The following LRP1B variants were observed in gnomAD, a reference collection of about 807,000 sequenced individuals.
The protein encoded by LRP1B is LDL receptor related protein 1B, also known as low-density lipoprotein receptor-related protein 1B.
LRP1B carries 217 observed loss-of-function variants against 556.6 expected under a neutral mutation model. That is an observed-to-expected ratio of 0.39 (90% CI 0.35 to 0.44). The LOEUF is 0.44. Ranked by LOEUF, LRP1B falls within the 20% of genes least tolerant of loss-of-function variation. The pLI is 1.00. For synonymous variants in LRP1B, 2,047 were observed against 1,865.8 expected (o/e 1.10, Z -2.50); for missense variants, 5,053 against 5,620.8 (o/e 0.90, Z 3.23).
chr2:141,458,882 A>G (rs769527430), intron 3 of LRP1B, among the ~76,000 whole-genome samples: 13 of 152,300 alleles, frequency 8.5e-5, no homozygotes, highest in South Asian at 6.2e-4. Context: ...ATGGATATAA[A>G]TGGTTGAATG....
rs530416955 is a variant in LRP1B, at chr2:141,583,913, T to A, written c.206-103380A>T. 1.0e-3 allele frequency among the ~76,000 whole-genome samples: 156 copies of A among 151,758 alleles called. 1 individual carries two copies. Among genetic ancestry groups the A allele is most frequent in the Middle Eastern group, 6.8e-3 (2 of 294 alleles). The stretch of plus-strand genomic sequence containing the variant: ...CACCACCATGCCCGGCTAATTTTTT[T>A]TTTTTTAGTAGCGATGGGGTTTCAC... On this transcript the variant is annotated intron_variant, in intron 2 of 90. Coordinates refer to ENST00000389484, the MANE Select transcript of LRP1B (RefSeq NM_018557.3).
At chr2:140,870,583 C>T (rs78611865) in intron 25 of LRP1B, among the ~76,000 whole-genome samples, 2,648 of 152,122 alleles carry the variant, frequency 0.017, 98 homozygotes, top group African/African-American at 0.059. Flanking sequence ...TGAAAAATTC[C>T]CTTTGCTCTT....
chr2:141,307,611 C>A (rs1166929521), intron 3 of LRP1B, among the ~76,000 whole-genome samples: 1 of 152,068 alleles, frequency 6.6e-6, no homozygotes, highest in East Asian at 1.9e-4. Context: ...CTGTTTACAT[C>A]CAAGGTTAGG....
At chr2:140,328,406 T>G (rs1680606387) in intron 79 of LRP1B, among the ~76,000 whole-genome samples, 1 of 151,866 alleles carries the variant, frequency 6.6e-6, no homozygotes, top group Non-Finnish European at 1.5e-5. Context: ...ATTTCACTCT[T>G]GTCAAACTCT....
intron 1 of LRP1B, among the ~76,000 whole-genome samples, chr2:142,001,304 T>C (rs1446079625): frequency 6.6e-6 from 1 of 152,212 alleles, no homozygotes; most frequent in Non-Finnish European, 1.5e-5. Flanking sequence ...CACAGCTCCA[T>C]ATCTTCATTG....
At chr2:142,041,550 G>C (rs1704066757) in intron 1 of LRP1B, among the ~76,000 whole-genome samples, 1 of 151,444 alleles carries the variant, frequency 6.6e-6, no homozygotes, top group African/African-American at 2.4e-5. Flanking sequence ...CAACAAAAAA[G>C]CCTTTTTTGC....
At chr2:140,682,116 C>T (rs1247151115) in intron 41 of LRP1B, among the ~76,000 whole-genome samples, 3 of 152,170 alleles carry the variant, frequency 2.0e-5, no homozygotes, top group Non-Finnish European at 4.4e-5. Flanking sequence ...AACTGTAAAA[C>T]AGTTACGTGT....
At chr2:140,865,831 GA>G (rs34281615) in intron 27 of LRP1B, among the ~76,000 whole-genome samples, 7 of 152,044 alleles carry the variant, frequency 4.6e-5, no homozygotes. Flanking sequence ...TTGAGTTAAG[GA>G]AAGATGTCAA....
At chr2:141,073,294 C>T (rs1195720203) in intron 7 of LRP1B, among the ~76,000 whole-genome samples, 1 of 152,010 alleles carries the variant, frequency 6.6e-6, no homozygotes, top group African/African-American at 2.4e-5. Flanking sequence ...GGACTTTTCC[C>T]AGTCTCCTTT....
At chr2:140,625,741 A>G (rs1683634050) in intron 41 of LRP1B, among the ~76,000 whole-genome samples, 1 of 152,204 alleles carries the variant, frequency 6.6e-6, no homozygotes, top group South Asian at 2.1e-4. Context: ...TGATGGGGCT[A>G]TAGAGCAACA....
chr2:142,117,158 T>A (rs919560752), intron 1 of LRP1B, among the ~76,000 whole-genome samples: 1 of 152,104 alleles, frequency 6.6e-6, no homozygotes, highest in Admixed American at 6.6e-5. Flanking sequence ...ATTTCTTCAT[T>A]AGTATTAAGA....
At chr2:141,325,246 T>G (rs962562002) in intron 3 of LRP1B, among the ~76,000 whole-genome samples, 5 of 152,002 alleles carry the variant, frequency 3.3e-5, no homozygotes, top group Admixed American at 6.6e-5. Flanking sequence ...AAACGTGGAC[T>G]TTGGGCAGAT....
At chr2:141,690,447 A>C (rs1691484428) in intron 2 of LRP1B, among the ~76,000 whole-genome samples, 2 of 138,216 alleles carry the variant, frequency 1.4e-5, no homozygotes, top group Non-Finnish European at 3.2e-5. Context: ...ATATAATTAC[A>C]AATATAAATA....
intron 1 of LRP1B, among the ~76,000 whole-genome samples, chr2:142,028,119 G>T (rs1206193238): frequency 1.3e-5 from 2 of 151,920 alleles, no homozygotes; most frequent in Non-Finnish European, 2.9e-5. Context: ...TCTAGTCCAT[G>T]AACAAAAATA....
At chr2:140,689,602 T>G (rs1686167194) in intron 41 of LRP1B, among the ~76,000 whole-genome samples, 1 of 152,230 alleles carries the variant, frequency 6.6e-6, no homozygotes, top group Non-Finnish European at 1.5e-5. Flanking sequence ...TATACAGAGC[T>G]TACTTGGCAG....
intron 31 of LRP1B, among the ~76,000 whole-genome samples, chr2:140,830,649 C>T (rs1691682488): frequency 6.6e-6 from 1 of 152,042 alleles, no homozygotes; most frequent in African/African-American, 2.4e-5. Flanking sequence ...TAACTTCATA[C>T]TGAGTGGAGA....
intron 7 of LRP1B, among the ~76,000 whole-genome samples, chr2:141,080,384 C>T (rs1040883959): frequency 1.3e-5 from 2 of 152,156 alleles, no homozygotes; most frequent in African/African-American, 4.8e-5. Context: ...TCTGCATCCT[C>T]ATAGTTTTGG....
intron 31 of LRP1B, among the ~76,000 whole-genome samples, chr2:140,824,962 T>A (rs975959112): frequency 6.6e-6 from 1 of 152,156 alleles, no homozygotes; most frequent in African/African-American, 2.4e-5. Context: ...GTTGAGGATA[T>A]AATAGTAAAT....
At chr2:141,104,224 T>C (rs1302707816) in intron 7 of LRP1B, among the ~76,000 whole-genome samples, 1 of 152,024 alleles carries the variant, frequency 6.6e-6, no homozygotes, top group East Asian at 1.9e-4. Context: ...TTAATTTATT[T>C]AGGATTATGG....
Sources: allele counts gnomAD v4.1 joint callset (sites outside exome capture counted in the v4.1 genomes callset), GRCh38; gene constraint gnomAD v4.1.1; transcripts MANE v1.5; gene names NCBI Gene and HGNC (gene_info 2026-07-23, HGNC 2026-07-21).